Variants in PTPRD observed in about 807,000 individuals in gnomAD.
PTPRD encodes the protein protein tyrosine phosphatase receptor type D.
PTPRD carries 34 observed loss-of-function variants against 214.5 expected under a neutral mutation model. The observed-to-expected ratio is 0.16, with a 90% confidence interval of 0.12 to 0.21. The LOEUF (loss-of-function observed/expected upper bound fraction) is 0.21, where lower values mean the gene tolerates loss of function less well. Ranked by LOEUF, PTPRD falls within the 10% of genes least tolerant of loss-of-function variation. The pLI, the probability that PTPRD is intolerant of heterozygous loss-of-function variation, is 1.00. For synonymous variants in PTPRD, 1,128 were observed against 845.7 expected (o/e 1.33, Z -5.79); for missense variants, 2,545 against 2,398.7 (o/e 1.06, Z -1.27).
At chr9:9,890,324 A>G (rs542400499) in intron 5 of PTPRD, among the ~76,000 whole-genome samples, 21 of 151,750 alleles carry the variant, frequency 1.4e-4, no homozygotes, top group African/African-American at 5.1e-4. Context: ...AGCCTCCCCA[A>G]TACCTGTAAC....
At chr9:10,024,902 T>C (rs781022909) in intron 4 of PTPRD, among the ~76,000 whole-genome samples, 12 of 151,294 alleles carry the variant, frequency 7.9e-5, no homozygotes, top group Non-Finnish European at 1.2e-4. Context: ...GTCCGTGCGA[T>C]AGTTTGCTGA....
At position 8,600,335 on chromosome 9, in the gene PTPRD, C is replaced by G. The variant is rs189711766; in HGVS notation, c.352+32982G>C. ...TGTGAACTCCAGGGGCAGTCTAGGC[C>G]ACAAATACTGAAATTCCTAGGCAAG... On this transcript the variant is annotated intron_variant, in intron 14 of 45. Coordinates refer to ENST00000381196, the MANE Select transcript of PTPRD (RefSeq NM_002839.4). Among the ~76,000 whole-genome samples, 11 of 152,194 alleles carry G rather than the reference C, an allele frequency of 7.2e-5. No homozygotes were observed. In the East Asian group the frequency reaches 2.1e-3, roughly 30 times the overall value.
intron 9 of PTPRD, among the ~76,000 whole-genome samples, chr9:9,383,153 T>C (rs1014184469): frequency 6.6e-6 from 1 of 152,054 alleles, no homozygotes; most frequent in Non-Finnish European, 1.5e-5. Flanking sequence ...TCTTTTGTGA[T>C]TTGGCACTTT....
intron 9 of PTPRD, among the ~76,000 whole-genome samples, chr9:9,303,955 G>T (rs565514800): frequency 6.6e-6 from 1 of 152,148 alleles, no homozygotes; most frequent in African/African-American, 2.4e-5. Context: ...TGCATTACGG[G>T]GCTTCTAGCA....
chr9:10,158,126 A>T (rs1381093772), intron 3 of PTPRD, among the ~76,000 whole-genome samples: 1 of 151,992 alleles, frequency 6.6e-6, no homozygotes, highest in Admixed American at 6.6e-5. Context: ...CTTCTGTCTC[A>T]GACCCCCGCT....
At chr9:10,518,624 C>G (rs1375907932) in intron 2 of PTPRD, among the ~76,000 whole-genome samples, 1 of 151,988 alleles carries the variant, frequency 6.6e-6, no homozygotes, top group Admixed American at 6.6e-5. Context: ...GCTCCGCCTC[C>G]CAGGTTCACG....
chr9:10,225,701 T>A (rs1003273912), intron 3 of PTPRD, among the ~76,000 whole-genome samples: 6 of 152,092 alleles, frequency 3.9e-5, no homozygotes, highest in African/African-American at 1.4e-4. Flanking sequence ...TTAACTGTCG[T>A]ATTCATACTG....
intron 39 of PTPRD, among the ~76,000 whole-genome samples, chr9:8,347,811 G>T (rs751539081): frequency 6.6e-6 from 1 of 152,142 alleles, no homozygotes. Context: ...ACGGCACAGT[G>T]AGAAAGTAGT....
intron 3 of PTPRD, among the ~76,000 whole-genome samples, chr9:10,043,043 T>C (rs1170043963): frequency 5.9e-5 from 9 of 151,884 alleles, no homozygotes; most frequent in Admixed American, 5.3e-4. Flanking sequence ...AGTCATTCAT[T>C]GGATATTTCT....
chr9:9,892,680 G>A (rs565324477), intron 5 of PTPRD, among the ~76,000 whole-genome samples: 1 of 152,038 alleles, frequency 6.6e-6, no homozygotes, highest in Non-Finnish European at 1.5e-5. Flanking sequence ...GACAGACTTT[G>A]GTGATGCATG....
chr9:10,518,822 G>A lies in PTPRD; in HGVS notation c.-600+93576C>T, dbSNP rs144661155. 7.4e-3 allele frequency among the ~76,000 whole-genome samples: 1,129 copies of A among 151,874 alleles called. 19 individuals carry two copies. Among genetic ancestry groups the A allele is most frequent in the African/African-American group, 0.025 (1,044 of 41,440 alleles). On this transcript the variant is annotated intron_variant, in intron 2 of 45. Coordinates refer to ENST00000381196, the MANE Select transcript of PTPRD (RefSeq NM_002839.4). ...GCTGGGATTACAGGCGTGAGCCACC[G>A]CGCTCAGCCTTACATTGTTTTTTTT... is the stretch of plus-strand genomic sequence containing the variant.
At chr9:8,815,413 T>C (rs1231751933) in intron 11 of PTPRD, among the ~76,000 whole-genome samples, 2 of 152,184 alleles carry the variant, frequency 1.3e-5, no homozygotes, top group South Asian at 2.1e-4. Context: ...TCTTTCCCAA[T>C]AGTTTGTTTA....
chr9:10,303,314 A>T (rs1340095288), intron 3 of PTPRD, among the ~76,000 whole-genome samples: 3 of 152,200 alleles, frequency 2.0e-5, no homozygotes, highest in Non-Finnish European at 4.4e-5. Flanking sequence ...AGCAGAAAAC[A>T]TCTAAATTCG....
At chr9:9,360,156 GAT>G (rs1030783641) in intron 9 of PTPRD, among the ~76,000 whole-genome samples, 2 of 150,932 alleles carry the variant, frequency 1.3e-5, no homozygotes, top group Non-Finnish European at 3.0e-5. Context: ...TAATGGAAGT[GAT>G]TCTAAAAATC....
intron 14 of PTPRD, among the ~76,000 whole-genome samples, chr9:8,540,704 C>T (rs944285046): frequency 6.6e-6 from 1 of 152,078 alleles, no homozygotes; most frequent in African/African-American, 2.4e-5. Flanking sequence ...AAACAATCCA[C>T]CTTCCCCTCA....
At chr9:9,208,507 C>G (rs1272252467) in intron 9 of PTPRD, among the ~76,000 whole-genome samples, 1 of 151,832 alleles carries the variant, frequency 6.6e-6, no homozygotes, top group Admixed American at 6.6e-5. Context: ...TGGTATTTTG[C>G]TTTGTAGAGT....
chr9:9,095,752 G>T (rs1194205957), intron 10 of PTPRD, among the ~76,000 whole-genome samples: 1 of 152,152 alleles, frequency 6.6e-6, no homozygotes, highest in Non-Finnish European at 1.5e-5. Context: ...CCTCTTCTGA[G>T]CATATACCCA....
chr9:9,025,536 G>C (rs1050052446), intron 10 of PTPRD, among the ~76,000 whole-genome samples: 1 of 152,000 alleles, frequency 6.6e-6, no homozygotes, highest in South Asian at 2.1e-4. Context: ...TTGTAAACTA[G>C]CTAATATTCA....
intron 2 of PTPRD, among the ~76,000 whole-genome samples, chr9:10,477,381 A>G (rs2099070015): frequency 6.6e-6 from 1 of 152,172 alleles, no homozygotes; most frequent in African/African-American, 2.4e-5. Context: ...CGTGAAAAAA[A>G]GCTCATCATC....
Sources: gnomAD v4.1 joint callset for allele counts (sites outside exome capture counted in the v4.1 genomes callset) on GRCh38, gnomAD v4.1.1 for gene constraint, MANE v1.5 for transcripts, NCBI Gene and HGNC (gene_info 2026-07-23, HGNC 2026-07-21) for gene names.